The following VPS35L variants were observed in gnomAD, a reference collection of about 807,000 sequenced individuals.
VPS35L encodes the protein VPS35 endosomal protein-sorting factor-like.
In VPS35L, 83 loss-of-function variants were observed where a neutral mutation model predicts 133.0. The ratio of observed to expected loss-of-function variants is 0.62; its 90% confidence interval spans 0.52 to 0.75. VPS35L has a LOEUF of 0.75. Among genes scored for constraint, VPS35L ranks in the 30% least tolerant of loss-of-function variants. The probability of loss-of-function intolerance (pLI) is 0.00; values close to 1 mark genes in which losing one functional copy is unlikely to be tolerated. For synonymous variants in VPS35L, 423 were observed against 449.9 expected (o/e 0.94, Z 0.76); for missense variants, 1,083 against 1,206.8 (o/e 0.90, Z 1.52).
intron 9 of VPS35L, among the ~76,000 whole-genome samples, chr16:19,604,636 T>C (rs1171804512): frequency 1.3e-5 from 2 of 152,220 alleles, no homozygotes; most frequent in African/African-American, 4.8e-5. Context: ...GAATGACTCT[T>C]AAGTATAATT....
chr16:19,666,925 T>TC (rs1974697765), intron 26 of VPS35L, among the ~76,000 whole-genome samples: 1 of 116,498 alleles, frequency 8.6e-6, no homozygotes, highest in Non-Finnish European at 1.7e-5. Context: ...TCTTTCTTTC[T>TC]TTCTTTCTTC....
At chr16:19,646,997 C>T (rs558669912) in intron 23 of VPS35L, among the ~76,000 whole-genome samples, 17 of 152,276 alleles carry the variant, frequency 1.1e-4, no homozygotes, top group Admixed American at 6.5e-4. Flanking sequence ...ATGAAAATGA[C>T]GAGATCACTT....
intron 19 of VPS35L, 36 bp from the exon 20 acceptor site, chr16:19,637,558 T>G: frequency 1.4e-6 from 2 of 1,436,210 alleles, no homozygotes; most frequent in Non-Finnish European, 1.9e-6. Context: ...AAAATTAAGT[T>G]TTTAAAAATA....
At chr16:19,585,409 T>TC (rs201359890) in intron 7 of VPS35L, among the ~76,000 whole-genome samples, 1,861 of 135,230 alleles carry the variant, frequency 0.014, 45 homozygotes, top group African/African-American at 0.044. Context: ...CTTTTTTCTT[T>TC]TTTTTTTTTT....
intron 26 of VPS35L, among the ~76,000 whole-genome samples, chr16:19,665,864 A>G (rs536487401): frequency 3.3e-5 from 5 of 152,318 alleles, no homozygotes; most frequent in African/African-American, 9.6e-5. Context: ...CTTTTGGATA[A>G]AAGCCATTTT....
chr16:19,657,614 T>G (rs1974348763), intron 26 of VPS35L, among the ~76,000 whole-genome samples: 1 of 152,022 alleles, frequency 6.6e-6, no homozygotes, highest in Non-Finnish European at 1.5e-5. Flanking sequence ...CTCAAAAAGT[T>G]TGAGATTTTG....
intron 1 of VPS35L, among the ~76,000 whole-genome samples, chr16:19,559,924 G>A (rs892138806): frequency 1.3e-5 from 2 of 152,112 alleles, no homozygotes; most frequent in Non-Finnish European, 2.9e-5. Flanking sequence ...CTGACCTCAG[G>A]TGACCCACCC....
chr16:19,577,225 G>C (rs976348020), intron 5 of VPS35L, among the ~76,000 whole-genome samples: 20 of 152,082 alleles, frequency 1.3e-4, no homozygotes, highest in African/African-American at 4.6e-4. Context: ...TGTTGGTGAG[G>C]GCCTCAGGCT....
At chr16:19,634,847 A>G (rs1973575776) in intron 19 of VPS35L, among the ~76,000 whole-genome samples, 2 of 152,148 alleles carry the variant, frequency 1.3e-5, no homozygotes, top group South Asian at 4.1e-4. Flanking sequence ...AATGAGGAAA[A>G]TAGTGACTAT....
intron 17 of VPS35L, among the ~76,000 whole-genome samples, chr16:19,629,466 G>A (rs11865422): frequency 0.4 from 60,713 of 151,606 alleles, 12,794 homozygotes; most frequent in African/African-American, 0.52. Flanking sequence ...ATGATCATGC[G>A]TTCAGAACTG....
intron 29 of VPS35L, 138 bp downstream of exon 29, chr16:19,691,609 G>A (rs1975690079): frequency 2.0e-5 from 13 of 637,764 alleles, no homozygotes; most frequent in Non-Finnish European, 3.3e-5. Flanking sequence ...CTTCTCCATT[G>A]CTTTGGGGCC....
At chr16:19,611,307 G>T (rs945237176) in intron 12 of VPS35L, among the ~76,000 whole-genome samples, 11 of 152,072 alleles carry the variant, frequency 7.2e-5, no homozygotes, top group Non-Finnish European at 1.3e-4. Flanking sequence ...GCCAGTATAT[G>T]GTCTCTCCAT....
chr16:19,570,870 TATATA>T (rs1971351528), intron 3 of VPS35L, among the ~76,000 whole-genome samples: 1 of 85,406 alleles, frequency 1.2e-5, no homozygotes, highest in African/African-American at 6.0e-5. Context: ...TATATATATA[TATATA>T]TATATATATA....
chr16:19,595,331 G>T (rs1435605396), intron 8 of VPS35L, among the ~76,000 whole-genome samples: 2 of 152,098 alleles, frequency 1.3e-5, no homozygotes, highest in African/African-American at 2.4e-5. Flanking sequence ...CGGTGGAGAT[G>T]GTGAGGAGAG....
intron 8 of VPS35L, among the ~76,000 whole-genome samples, chr16:19,594,133 T>A (rs756238165): frequency 1.4e-4 from 21 of 152,144 alleles, no homozygotes; most frequent in Non-Finnish European, 2.8e-4. Flanking sequence ...AGTTGTGTTA[T>A]CTGGGGGATG....
chr16:19,683,352 G>T lies in VPS35L; in HGVS notation c.2527+962G>T, dbSNP rs755605241. 2.0e-5 allele frequency among the ~76,000 whole-genome samples: 3 copies of T among 152,280 alleles called. No homozygotes were observed. The East Asian group carries it at 5.8e-4, about 29-fold the overall frequency. The stretch of plus-strand genomic sequence containing the variant: ...TCTATTTTAGATTTAGGAGGTATAC[G>T]TGCAGGTTTGTGACAGGGGTATATT... On this transcript the variant is annotated intron_variant, in intron 28 of 30. Transcript: ENST00000417362.
chr16:19,598,158 C>T (rs1269242432), intron 8 of VPS35L, among the ~76,000 whole-genome samples: 1 of 152,160 alleles, frequency 6.6e-6, no homozygotes, highest in East Asian at 1.9e-4. Flanking sequence ...TAGAATGGGG[C>T]TATCGTAGAC....
In VPS35L at chr16:19,633,319, A is replaced by C; in HGVS notation, c.1635+147A>C. On this transcript the variant is annotated intron_variant, in intron 19 of 30. Transcript: ENST00000417362. This position sits in a 1 kb window ranked among gnomAD's most constrained non-coding sequence, Gnocchi z 4.1. ...CCATATCCTAGCCATGTGCCCTTTG[A>C]TCAGTTACTTAACCTTGTTGTGCCC... is the stretch of plus-strand genomic sequence containing the variant. 1.3e-6 allele frequency: 1 copy of C among 757,774 alleles called. No individual in the cohort carries two copies. Among genetic ancestry groups the C allele is most frequent in the South Asian group, 1.6e-5 (1 of 61,574 alleles). The allele number at this position is 757,774 out of a possible 1,614,324, so 46.9% of individuals were successfully genotyped here. A position where few individuals can be genotyped will look rare whatever the true frequency, so the allele number is the denominator to read the frequency against.
intron 26 of VPS35L, among the ~76,000 whole-genome samples, chr16:19,665,508 G>T (rs780304649): frequency 1.1e-4 from 16 of 152,188 alleles, no homozygotes; most frequent in Non-Finnish European, 1.8e-4. Context: ...GCAAATGACA[G>T]AATCTCCTTT....
Sources: allele counts gnomAD v4.1 joint callset (sites outside exome capture counted in the v4.1 genomes callset), GRCh38; gene constraint gnomAD v4.1.1; non-coding constraint Gnocchi (gnomAD v3.1); transcripts MANE v1.5; gene names NCBI Gene and HGNC (gene_info 2026-07-23, HGNC 2026-07-21).